The following SBK2 variants were observed in gnomAD, a reference collection of about 807,000 sequenced individuals.
SBK2 encodes the protein serine/threonine-protein kinase SBK2.
SBK2 carries 18 observed loss-of-function variants against 15.9 expected under a neutral mutation model. That is an observed-to-expected ratio of 1.13 (90% confidence interval 0.78 to 1.68). The LOEUF (loss-of-function observed/expected upper bound fraction) is 1.68. Among genes scored for constraint, SBK2 ranks in the 40% most tolerant of loss-of-function variants. SBK2 has a pLI of 0.00. For synonymous variants in SBK2, 284 were observed against 246.8 expected, an observed-to-expected ratio of 1.15 and a Z score of -1.41; for missense variants, 581 against 510.9, an observed-to-expected ratio of 1.14 and a Z score of -1.32.
At chr19:55,531,068 G>T in intron 3 of SBK2, 75 bp downstream of exon 3, 1 of 1,406,622 alleles carries the variant, frequency 7.1e-7, no homozygotes, top group Non-Finnish European at 9.9e-7. Flanking sequence ...TGTGGCTCCT[G>T]CGGCCCAGGC....
chr19:55,530,024 C>A lies in SBK2; in HGVS notation c.756G>T (p.Leu252=). 3 of 1,504,498 alleles carry A rather than the reference C, an allele frequency of 2.0e-6. No homozygotes were observed. The highest frequency in any genetic ancestry group is 2.7e-6 in the Non-Finnish European group (3 of 1,130,144). The allele number at this position is 1,504,498 out of a possible 1,614,324, so 93.2% of individuals were successfully genotyped here. A position where few individuals can be genotyped will look rare whatever the true frequency, so the allele number is the denominator to read the frequency against. Residue 252 remains leucine, a synonymous_variant, in exon 4 of 4, where the codon CTG becomes CTT. Transcript: ENST00000413299. ...AGTAGCCCGTGAGGAGGCAGAAGAG[C>A]AGGACGCCCAGCGCCCAGGCGTCCA... is the stretch of plus-strand genomic sequence containing the variant. ...PALDAWALGV[L]LFCLLTGYFP...
intron 2 of SBK2, among the ~76,000 whole-genome samples, chr19:55,533,475 C>T (rs1988321308): frequency 6.6e-6 from 1 of 151,208 alleles, no homozygotes; most frequent in Admixed American, 6.6e-5. Flanking sequence ...TGGTGAAATC[C>T]CATCTCTAGT....
chr19:55,529,741 C>T lies in SBK2; in HGVS notation c.1039G>A (p.Gly347Arg), dbSNP rs373781527. 6.7e-5 allele frequency: 107 copies of T among 1,600,680 alleles called. 1 individual carries two copies. In the East Asian group the frequency reaches 6.9e-4, roughly 10 times the overall value. ...CATCCCCCGGGGCCTCCTCACTGCCCAGCCTCCTCTTCCACCGCTCCCACT... is the reference window on the plus strand; with the variant it reads ...CATCCCCCGGGGCCTCCTCACTGCCTAGCCTCCTCTTCCACCGCTCCCACT... ...EAVGAVEEEA[G>R]Q Residue 347 changes from glycine to arginine, a missense_variant, in exon 4 of 4, where the codon GGG becomes AGG. Physicochemically the swap from Gly to Arg is moderately radical, Grantham distance 125. Coordinates refer to ENST00000413299, the MANE Select transcript of SBK2 (RefSeq NM_001370096.2).
At position 55,530,063 on chromosome 19, in the gene SBK2, G is replaced by A; in HGVS notation, c.717C>T (p.Pro239=). 2.1e-6 allele frequency: 3 copies of A among 1,455,710 alleles called. No homozygotes were observed. Among genetic ancestry groups the A allele is most frequent in the Non-Finnish European group, 2.7e-6 (3 of 1,109,888 alleles). The allele number at this position is 1,455,710 out of a possible 1,614,324, so 90.2% of individuals were successfully genotyped here. ...CAPPPLPEGL[P]IQPALDAWAL... is the part of the protein sequence containing the mutation. Reference sequence around the variant, plus strand: ...CCCAGGCGTCCAGGGCGGGCTGAATGGGCAGGCCCTCGGGGAGCGGCGGGG... The same window carrying A: ...CCCAGGCGTCCAGGGCGGGCTGAATAGGCAGGCCCTCGGGGAGCGGCGGGG... Residue 239 remains proline, a synonymous_variant, in exon 4 of 4, where the codon CCC becomes CCT. Coordinates refer to ENST00000413299, the MANE Select transcript of SBK2 (RefSeq NM_001370096.2).
Position 55,529,948 on chromosome 19 carries a change from G to C in SBK2, c.832C>G (p.Leu278Val), listed in dbSNP as rs1360941724. 6.5e-7 allele frequency: 1 copy of C among 1,530,710 alleles called. No individual in the cohort carries two copies. Among genetic ancestry groups the C allele is most frequent in the South Asian group, 1.2e-5 (1 of 81,786 alleles). The allele number at this position is 1,530,710 out of a possible 1,614,324, so 94.8% of individuals were successfully genotyped here. The change falls in exon 4 of 4, where the codon CTC becomes GTC. Residue 278 changes from leucine (L) to valine (V), a missense_variant. Physicochemically the swap from Leu to Val is conservative, Grantham distance 32. Transcript: ENST00000413299. ...AEADPFYEDF[L>V]IWQASGQPRD... Reference sequence around the variant, plus strand: ...GGCTGGCCCGACGCCTGCCAGATGAGGAAGTCCTCGTAGAAGGGGTCGGCC... The same window carrying C: ...GGCTGGCCCGACGCCTGCCAGATGACGAAGTCCTCGTAGAAGGGGTCGGCC...
Position 55,530,166 on chromosome 19 carries a change from C to T in SBK2, c.614G>A (p.Gly205Asp), listed in dbSNP as rs755831168. ...CAGCGTCCCGCGAGGCCTCGTGTGG[C>T]CGAAGTCGGTCAGCTTGAAGCGCCG... ...ACRRFKLTDF[G>D]HTRPRGTLLR... Residue 205 changes from glycine to aspartate, a missense_variant, in exon 4 of 4, where the codon GGC becomes GAC. Coordinates refer to ENST00000413299, the MANE Select transcript of SBK2 (RefSeq NM_001370096.2). 2 of 1,523,986 alleles carry T rather than the reference C, an allele frequency of 1.3e-6. No individual in the cohort carries two copies. Among genetic ancestry groups the T allele is most frequent in the African/African-American group, 1.4e-5 (1 of 70,778 alleles). The allele number at this position is 1,523,986 out of a possible 1,614,324, so 94.4% of individuals were successfully genotyped here.
At chr19:55,533,617 C>T (rs8104569) in intron 2 of SBK2, among the ~76,000 whole-genome samples, 32,310 of 47,210 alleles carry the variant, frequency 0.68, 12,084 homozygotes, top group Non-Finnish European at 0.71. Context: ...TGCGCCACTG[C>T]AGTCCACAGT....
rs1026403541 is a variant in SBK2 at position 55,529,593 on chromosome 19, T to G, written c.*140A>C. The G allele has an allele frequency of 4.1e-6, 5 of 1,228,108 alleles. No individual in the cohort carries two copies. Among genetic ancestry groups the G allele is most frequent in the Non-Finnish European group, 5.5e-6 (5 of 916,974 alleles). 76.1% of individuals were successfully genotyped at this position (1,228,108 alleles called of 1,614,324 possible). On this transcript the variant is annotated 3_prime_UTR_variant, in exon 4 of 4. Transcript: ENST00000413299. Reference sequence around the variant, plus strand: ...CATGGACCAAGGGAGGAATGCAGCCTGCAGAGAGGAGAGAGGAGGAGGACG... The same window carrying G: ...CATGGACCAAGGGAGGAATGCAGCCGGCAGAGAGGAGAGAGGAGGAGGACG...
Position 55,536,148 on chromosome 19 carries a change from A to G in SBK2, c.147T>C (p.Ser49=), listed in dbSNP as rs1246961098. The change falls in exon 2 of 4, where the codon AGT becomes AGC. Residue 49 remains serine (S), a synonymous_variant. Coordinates refer to ENST00000413299, the MANE Select transcript of SBK2 (RefSeq NM_001370096.2). ...ARALEDMMTL[S]AQTLVRAEVD... ...CCTCGGCTCGGACCAGGGTCTGAGC[A>G]CTCAGCGTCATCATGTCCTCCAGCG... is the stretch of plus-strand genomic sequence containing the variant. 58 of 1,599,048 alleles carry G rather than the reference A, an allele frequency of 3.6e-5. No individual in the cohort carries two copies. The highest frequency in any genetic ancestry group is 1.0e-4 in the Admixed American group (6 of 57,900).
At chr19:55,536,367 C>T (rs1245342816) in intron 1 of SBK2, 71 bp from the exon 2 acceptor site, 22 of 1,331,688 alleles carry the variant, frequency 1.7e-5, no homozygotes, top group Non-Finnish European at 2.1e-5. Context: ...GGGGTCTGGA[C>T]TCCTGGGTCT....
rs1190681076 is a variant in SBK2 at position 55,530,236 on chromosome 19, G to A, written c.544C>T (p.Arg182Trp). ...AGGACGTTCTCCGGCTTCAGGTCCC[G>A]GTACACCAGGCCGCGGGCGTGGATG... ...EYIHARGLVY[R>W]DLKPENVLVC... The change falls in exon 4 of 4, where the codon CGG becomes TGG. Residue 182 changes from arginine (R) to tryptophan (W), a missense_variant. Transcript: ENST00000413299. 6.5e-7 allele frequency: 1 copy of A among 1,528,326 alleles called. No homozygotes were observed. Among genetic ancestry groups the A allele is most frequent in the African/African-American group, 1.4e-5 (1 of 70,966 alleles). 94.7% of individuals were successfully genotyped at this position (1,528,326 alleles called of 1,614,324 possible). A position where few individuals can be genotyped will look rare whatever the true frequency, so the allele number is the denominator to read the frequency against.
chr19:55,535,327 C>T (rs1382526252), intron 2 of SBK2, among the ~76,000 whole-genome samples: 3 of 152,304 alleles, frequency 2.0e-5, no homozygotes, highest in Non-Finnish European at 2.9e-5. Context: ...TCCTGCGCAC[C>T]CACTGTGTGC....
rs778062395 is a variant in SBK2, at chr19:55,529,780, C to T, written c.1000G>A (p.Gly334Ser). ...ACCGCTCCCACTGCCTCCGCCTCGCCCTCCCGCTGCCTCCAGGGGCGCCCC... is the reference window on the plus strand; with the variant it reads ...ACCGCTCCCACTGCCTCCGCCTCGCTCTCCCGCTGCCTCCAGGGGCGCCCC... ...HLGRPWRQRE[G>S]EAEAVGAVEE... The change falls in exon 4 of 4, where the codon GGC becomes AGC. Residue 334 changes from glycine to serine, a missense_variant. Coordinates refer to ENST00000413299, the MANE Select transcript of SBK2 (RefSeq NM_001370096.2). 1.9e-6 allele frequency: 3 copies of T among 1,603,748 alleles called. No individual in the cohort carries two copies. The highest frequency in any genetic ancestry group is 2.5e-6 in the Non-Finnish European group (3 of 1,179,718).
chr19:55,529,483 G>A lies in SBK2; in HGVS notation c.*250C>T, dbSNP rs1988186006. 6.6e-6 allele frequency among the ~76,000 whole-genome samples: 1 copy of A among 152,068 alleles called. No individual in the cohort carries two copies. Among genetic ancestry groups the A allele is most frequent in the Non-Finnish European group, 1.5e-5 (1 of 68,006 alleles). On this transcript the variant is annotated 3_prime_UTR_variant, in exon 4 of 4. Coordinates refer to ENST00000413299, the MANE Select transcript of SBK2 (RefSeq NM_001370096.2). ...TGCAGAGGCCCTGGGGAAGGTGGCG[G>A]CAGGTACCGAGAGCCACGCGGAGGT...
Position 55,533,659 on chromosome 19 carries a change from CAAAAAAAAAAAAAAAAAAAAAA to C in SBK2, c.254-2336_254-2315del, listed in dbSNP as rs71181785. 3.5e-4 allele frequency among the ~76,000 whole-genome samples: 12 copies of C among 33,896 alleles called. 1 individual carries two copies. The East Asian group carries it at 0.012, about 34-fold the overall frequency. The allele number at this position is 33,896 out of a possible 152,430, so 22.2% of individuals were successfully genotyped here. On this transcript the variant is annotated intron_variant, in intron 2 of 3. Coordinates refer to ENST00000413299, the MANE Select transcript of SBK2 (RefSeq NM_001370096.2). ...TGGGCGACAGAGCGAGACTCCGTCT[CAAAAAAAAAAAAAAAAAAAAAA>C]AAAAAAAAAAAAAAAAAGAAAAAGT...
In SBK2 at chr19:55,529,821, G is replaced by T; in HGVS notation, c.959C>A (p.Ala320Asp). 1 of 1,604,376 alleles carries T rather than the reference G, an allele frequency of 6.2e-7. No homozygotes were observed. Among genetic ancestry groups the T allele is most frequent in the Admixed American group, 1.7e-5 (1 of 59,974 alleles). ...PHPRRRSAVI[A>D]IREHLGRPWR... The stretch of plus-strand genomic sequence containing the variant: ...GGGGCGCCCCAGGTGCTCCCTGATG[G>T]CGATCACAGCGCTCCTCCTTCGGGG... The change falls in exon 4 of 4, where the codon GCC becomes GAC. Residue 320 changes from alanine to aspartate, a missense_variant. Transcript: ENST00000413299.
At chr19:55,533,623 A>AG (rs1568492446) in intron 2 of SBK2, among the ~76,000 whole-genome samples, 8 of 54,290 alleles carry the variant, frequency 1.5e-4, no homozygotes, top group South Asian at 6.5e-4. Flanking sequence ...ACTGCAGTCC[A>AG]CAGTCCGGCC....
rs574278698 is a variant in SBK2 at position 55,529,264 on chromosome 19, C to T, written c.*469G>A. Among the ~76,000 whole-genome samples the T allele has an allele frequency of 6.6e-6, 1 of 152,154 alleles. No homozygotes were observed. Among genetic ancestry groups the T allele is most frequent in the African/African-American group, 2.4e-5 (1 of 41,516 alleles). ...GTTAAAAATTAGCCTAGCGTGGTGG[C>T]GCATGCCTGTAGTCCCAGCTACTCA... On this transcript the variant is annotated 3_prime_UTR_variant, in exon 4 of 4. Transcript: ENST00000413299.
At chr19:55,533,684 A>C (rs1335530534) in intron 2 of SBK2, among the ~76,000 whole-genome samples, 1 of 136,218 alleles carries the variant, frequency 7.3e-6, no homozygotes, top group Non-Finnish European at 1.6e-5. Flanking sequence ...AAAAAAAAAA[A>C]AAAAAAAAAA....
Sources: allele counts gnomAD v4.1 joint callset (sites outside exome capture counted in the v4.1 genomes callset), GRCh38; gene constraint gnomAD v4.1.1; transcripts MANE v1.5; gene names NCBI Gene and HGNC (gene_info 2026-07-23, HGNC 2026-07-21).